Variants in BCL11B observed in about 807,000 individuals in gnomAD.
The protein encoded by BCL11B is B-cell lymphoma/leukemia 11B.
BCL11B carries 8 observed loss-of-function variants against 49.9 expected under a neutral mutation model. The observed-to-expected ratio is 0.16, with a 90% CI of 0.09 to 0.29. The LOEUF (loss-of-function observed/expected upper bound fraction) is 0.29, where lower values mean the gene tolerates loss of function less well. Ranked by LOEUF, BCL11B falls within the 10% of genes least tolerant of loss-of-function variation. The probability of loss-of-function intolerance (pLI) is 1.00; values close to 1 mark genes in which losing one functional copy is unlikely to be tolerated. For missense variants in BCL11B, 1,006 were observed against 1,351.0 expected (o/e 0.74, Z 4.00); for synonymous variants, 739 against 637.4 (o/e 1.16, Z -2.40).
At position 99,175,114 on chromosome 14, in the gene BCL11B, G is replaced by C. The variant is rs761562840; in HGVS notation, c.1722C>G (p.Pro574=). 1 of 1,592,826 alleles carries C rather than the reference G, an allele frequency of 6.3e-7. No homozygotes were observed. The highest frequency in any genetic ancestry group is 8.5e-7 in the Non-Finnish European group (1 of 1,172,006). ...CGCCGCCCCCCGCGCCCGGGACCCCGGGCACCCCACCACCGCCGTTCTCGC... is the reference window on the plus strand; with the variant it reads ...CGCCGCCCCCCGCGCCCGGGACCCCCGGCACCCCACCACCGCCGTTCTCGC... ...RNRENGGGGV[P]GVPGAGGGAA... The change falls in exon 4 of 4, where the codon CCC becomes CCG. Residue 574 remains proline (P), a synonymous_variant. Transcript: ENST00000357195.
In BCL11B at chr14:99,228,152, T is replaced by C. The variant is rs1024280111; in HGVS notation, c.640+3193A>G. ...TCCATGTTAACTTGAAGAGATGGGTTCAATGCATCCTGATCCGAAAAGGGA... is the reference window on the plus strand; with the variant it reads ...TCCATGTTAACTTGAAGAGATGGGTCCAATGCATCCTGATCCGAAAAGGGA... On this transcript the variant is annotated intron_variant, in intron 3 of 3. Transcript: ENST00000357195. The surrounding 1 kb of genome is among the most constrained non-coding windows in gnomAD (Gnocchi z 4.8). Among the ~76,000 whole-genome samples the C allele has an allele frequency of 3.9e-5, 6 of 152,184 alleles. No homozygotes were observed. Among genetic ancestry groups the C allele is most frequent in the Non-Finnish European group, 5.9e-5 (4 of 68,040 alleles).
chr14:99,176,693 T>A (rs1420962770), intron 3 of BCL11B, among the ~76,000 whole-genome samples: 1 of 152,102 alleles, frequency 6.6e-6, no homozygotes, highest in Non-Finnish European at 1.5e-5. Context: ...GGGGCTGTCC[T>A]GCGCATTGCA....
intron 3 of BCL11B, among the ~76,000 whole-genome samples, chr14:99,226,524 A>T (rs752078713): frequency 6.6e-6 from 1 of 152,158 alleles, no homozygotes; most frequent in Non-Finnish European, 1.5e-5. Context: ...CTTCCCATGG[A>T]TCCTCCGGTG....
Position 99,205,095 on chromosome 14 carries a change from G to C in BCL11B, c.640+26250C>G, listed in dbSNP as rs941386856. Among the ~76,000 whole-genome samples, 1 of 152,140 alleles carries C rather than the reference G, an allele frequency of 6.6e-6. No homozygotes were observed. The highest frequency in any genetic ancestry group is 1.5e-5 in the Non-Finnish European group (1 of 68,034). ...CCCCTCCAGTTACATTACTTTGAAA[G>C]GGAGCATAATATGATCCTTCCTTAA... On this transcript the variant is annotated intron_variant, in intron 3 of 3. Coordinates refer to ENST00000357195, the MANE Select transcript of BCL11B (RefSeq NM_138576.4). The surrounding 1 kb of genome is among the most constrained non-coding windows in gnomAD (Gnocchi z 5.0).
At position 99,175,264 on chromosome 14, in the gene BCL11B, C is replaced by G. The variant is rs758740380; in HGVS notation, c.1572G>C (p.Pro524=). ...CCTCCTCCGGCTCGTGGCCCAGCGA[C>G]GGGTCGCTCTCGTGGTGGCGGAAGT... ...DGDFRHHESD[P]SLGHEPEEED... The change falls in exon 4 of 4, where the codon CCG becomes CCC. Residue 524 remains proline, a synonymous_variant. Coordinates refer to ENST00000357195, the MANE Select transcript of BCL11B (RefSeq NM_138576.4). 7 of 1,542,306 alleles carry G rather than the reference C, an allele frequency of 4.5e-6. No homozygotes were observed. The highest frequency in any genetic ancestry group is 6.1e-6 in the Non-Finnish European group (7 of 1,148,304).
At chr14:99,187,787 C>CTCCTCCTCT (rs1191799294) in intron 3 of BCL11B, among the ~76,000 whole-genome samples, 2 of 152,004 alleles carry the variant, frequency 1.3e-5, no homozygotes, top group Non-Finnish European at 2.9e-5. Flanking sequence ...CTTCCTCCTC[C>CTCCTCCTCT]TCCTCCTGGA....
Position 99,175,816 on chromosome 14 carries a change from C to T in BCL11B, c.1020G>A (p.Gln340=). The T allele has an allele frequency of 6.8e-7, 1 of 1,473,096 alleles. No individual in the cohort carries two copies. Among genetic ancestry groups the T allele is most frequent in the Non-Finnish European group, 8.9e-7 (1 of 1,119,806 alleles). 91.3% of individuals were successfully genotyped at this position (1,473,096 alleles called of 1,614,324 possible). A position where few individuals can be genotyped will look rare whatever the true frequency, so the allele number is the denominator to read the frequency against. Reference sequence around the variant, plus strand: ...TGACTCGGTCGAAGGCACTGGGGTGCTGGGCGACGAGCCCCATCTCCTCGG... The same window carrying T: ...TGACTCGGTCGAAGGCACTGGGGTGTTGGGCGACGAGCCCCATCTCCTCGG... The part of the protein sequence containing the change: ...LSAEEMGLVA[Q]HPSAFDRVMR... The change falls in exon 4 of 4, where the codon CAG becomes CAA. Residue 340 remains glutamine (Q), a synonymous_variant. Transcript: ENST00000357195.
At chr14:99,249,657 C>A (rs1279328000) in intron 2 of BCL11B, among the ~76,000 whole-genome samples, 2 of 152,230 alleles carry the variant, frequency 1.3e-5, no homozygotes, top group Non-Finnish European at 2.9e-5. Context: ...GGACCCTACT[C>A]ACCGCTGTGT....
intron 1 of BCL11B, among the ~76,000 whole-genome samples, chr14:99,270,115 C>T (rs907055070): frequency 2.6e-4 from 40 of 151,934 alleles, no homozygotes; most frequent in African/African-American, 9.4e-4. Flanking sequence ...CTAAATAAAC[C>T]CAACAGGGAC....
In BCL11B at chr14:99,213,700, C is replaced by T. The variant is rs527865535; in HGVS notation, c.640+17645G>A. ...AAGGTCTAAGGGGAAGGCATAGAGT[C>T]CAGCGTCAGCCACACGTGTCCTAGC... On this transcript the variant is annotated intron_variant, in intron 3 of 3. Transcript: ENST00000357195. The surrounding 1 kb of genome is among the most constrained non-coding windows in gnomAD (Gnocchi z 5.1). Among the ~76,000 whole-genome samples, 6 of 152,318 alleles carry T rather than the reference C, an allele frequency of 3.9e-5. No homozygotes were observed. The East Asian group carries it at 1.2e-3, about 29-fold the overall frequency.
At position 99,195,477 on chromosome 14, in the gene BCL11B, T is replaced by C. The variant is rs2139806554; in HGVS notation, c.641-19282A>G. Among the ~76,000 whole-genome samples the C allele has an allele frequency of 6.6e-6, 1 of 152,234 alleles. No homozygotes were observed. Among genetic ancestry groups the C allele is most frequent in the Non-Finnish European group, 1.5e-5 (1 of 68,000 alleles). On this transcript the variant is annotated intron_variant, in intron 3 of 3. Coordinates refer to ENST00000357195, the MANE Select transcript of BCL11B (RefSeq NM_138576.4). The surrounding 1 kb of genome is among the most constrained non-coding windows in gnomAD (Gnocchi z 4.7). ...ACCACAGTCCCCCAAGCCAGGATAC[T>C]GCACTGGGCTTTGCACCCCCAAAAC...
chr14:99,218,325 C>T (rs187883976), intron 3 of BCL11B, among the ~76,000 whole-genome samples: 1 of 150,996 alleles, frequency 6.6e-6, no homozygotes, highest in East Asian at 2.0e-4. Flanking sequence ...CGTGATCCGC[C>T]CGCCTCGGCC....
At chr14:99,178,799 T>TACCCTGC (rs1465808262) in intron 3 of BCL11B, among the ~76,000 whole-genome samples, 1 of 152,244 alleles carries the variant, frequency 6.6e-6, no homozygotes, top group Non-Finnish European at 1.5e-5. Flanking sequence ...ATCGTTCCTG[T>TACCCTGC]ACCCTGCACC....
intron 3 of BCL11B, among the ~76,000 whole-genome samples, chr14:99,191,200 G>A (rs1887018314): frequency 1.6e-5 from 1 of 62,698 alleles, no homozygotes; most frequent in Non-Finnish European, 3.6e-5. Flanking sequence ...TGATTGTCAA[G>A]ACTGAAGGGG....
At chr14:99,269,141 A>ACCCCCCCCCCCCCCCCCCC (rs1889572722) in intron 1 of BCL11B, among the ~76,000 whole-genome samples, 1 of 112,720 alleles carries the variant, frequency 8.9e-6, no homozygotes, top group Non-Finnish European at 2.0e-5. Context: ...ACCCCCATCC[A>ACCCCCCCCCCCCCCCCCCC]CTCCCCCTTC....
chr14:99,244,296 C>A (rs556461661), intron 2 of BCL11B, among the ~76,000 whole-genome samples: 2 of 151,792 alleles, frequency 1.3e-5, no homozygotes, highest in Non-Finnish European at 2.9e-5. Context: ...ACAATTACCC[C>A]CCCCTCACAC....
Position 99,171,327 on chromosome 14 carries a change from A to G in BCL11B, c.*2824T>C, listed in dbSNP as rs1247853078. On this transcript the variant is annotated 3_prime_UTR_variant, in exon 4 of 4. Transcript: ENST00000357195. ...TGTCAAACAACCCTTTTTCTCCTGT[A>G]CAATAGGACTTAACATACAAATGTG... The G allele has an allele frequency of 4.5e-6, 1 of 224,632 alleles. No homozygotes were observed. The highest frequency in any genetic ancestry group is 2.2e-5 in the African/African-American group (1 of 44,850). 13.9% of individuals were successfully genotyped at this position (224,632 alleles called of 1,614,324 possible).
chr14:99,169,576 C>G lies in BCL11B; in HGVS notation c.*4575G>C, dbSNP rs1886221728. On this transcript the variant is annotated 3_prime_UTR_variant, in exon 4 of 4. Coordinates refer to ENST00000357195, the MANE Select transcript of BCL11B (RefSeq NM_138576.4). ...CCAAGCAATAATAAATAGTTCCAAA[C>G]TTGTAGTAAAAGACAAAACCTCCAA... The G allele has an allele frequency of 4.8e-6, 1 of 208,158 alleles. No individual in the cohort carries two copies. The highest frequency in any genetic ancestry group is 1.9e-4 in the South Asian group (1 of 5,312). The allele number at this position is 208,158 out of a possible 1,614,324, so 12.9% of individuals were successfully genotyped here.
chr14:99,271,094 G>C, intron 1 of BCL11B, 67 bp downstream of exon 1: 1 of 1,446,752 alleles, frequency 6.9e-7, no homozygotes, highest in Non-Finnish European at 9.1e-7. Context: ...TCCGGGCTCG[G>C]TGTCCCCAGC....
Sources: gnomAD v4.1 joint callset for allele counts (sites outside exome capture counted in the v4.1 genomes callset) on GRCh38, gnomAD v4.1.1 for gene constraint, Gnocchi (gnomAD v3.1) non-coding constraint, MANE v1.5 for transcripts, NCBI Gene and HGNC (gene_info 2026-07-23, HGNC 2026-07-21) for gene names.